Variants in CCDC18 observed in about 807,000 individuals in gnomAD.
The protein encoded by CCDC18 is coiled-coil domain containing 18.
Under a neutral mutation model 196.0 loss-of-function variants are expected in CCDC18, and 157 were observed. The observed-to-expected ratio is 0.80, with a 90% CI of 0.70 to 0.91. CCDC18 has a LOEUF of 0.91. Among genes scored for constraint, CCDC18 ranks in the 40% least tolerant of loss-of-function variants. CCDC18 has a pLI of 0.00. For synonymous variants in CCDC18, 482 were observed against 529.2 expected, an observed-to-expected ratio of 0.91 and a Z score of 1.22; for missense variants, 1,465 against 1,611.6, an observed-to-expected ratio of 0.91 and a Z score of 1.56.
chr1:93,209,030 C>T (rs1012250985), intron 9 of CCDC18, among the ~76,000 whole-genome samples: 2 of 152,096 alleles, frequency 1.3e-5, no homozygotes, highest in South Asian at 2.1e-4. Context: ...GAGATCTTGG[C>T]GCACTGCAAC....
intron 10 of CCDC18, among the ~76,000 whole-genome samples, chr1:93,211,366 A>G (rs1655627639): frequency 6.6e-6 from 1 of 152,112 alleles, no homozygotes; most frequent in South Asian, 2.1e-4. Context: ...GTGATTCCAC[A>G]ACTAAGAATT....
chr1:93,180,343 G>A, upstream of CCDC18: 2 of 1,406,958 alleles, frequency 1.4e-6, no homozygotes, highest in Non-Finnish European at 1.9e-6. Flanking sequence ...GAAATCTGGA[G>A]TCTGAAGAAA....
At chr1:93,248,089 C>T (rs1661740664) in intron 23 of CCDC18, among the ~76,000 whole-genome samples, 1 of 138,964 alleles carries the variant, frequency 7.2e-6, no homozygotes, top group Non-Finnish European at 1.5e-5. Flanking sequence ...GATCTCAGCT[C>T]ACTGCAACCT....
intron 18 of CCDC18, 41 bp downstream of exon 18, chr1:93,232,634 T>C (rs1212837586): frequency 1.5e-5 from 21 of 1,411,340 alleles, no homozygotes; most frequent in Non-Finnish European, 1.9e-5. Context: ...TTGTATGAAA[T>C]AGAAATTTTT....
At chr1:93,215,230 A>G (rs766829521) in intron 12 of CCDC18, among the ~76,000 whole-genome samples, 5 of 152,148 alleles carry the variant, frequency 3.3e-5, no homozygotes, top group Admixed American at 6.5e-5. Flanking sequence ...ATTGCAGCCT[A>G]TTATTTCTTC....
At chr1:93,221,553 T>C in intron 14 of CCDC18, 56 bp from the exon 15 acceptor site, 1 of 1,233,104 alleles carries the variant, frequency 8.1e-7, no homozygotes, top group South Asian at 1.8e-5. Flanking sequence ...ATTTAATATT[T>C]AAAATGTTTC....
Position 93,190,716 on chromosome 1 carries a change from TC to T in CCDC18, c.463-1283del, listed in dbSNP as rs1651608923. 3 of 449,150 alleles carry T rather than the reference TC, an allele frequency of 6.7e-6. No individual in the cohort carries two copies. In the South Asian group the frequency reaches 8.3e-5, roughly 12 times the overall value. The allele number at this position is 449,150 out of a possible 1,614,324, so 27.8% of individuals were successfully genotyped here. ...ACATAAACTCAAGATTTTATTGTCTTCATAATAAAACAAAAGATAACACTTA... is the reference window on the plus strand; with the variant it reads ...ACATAAACTCAAGATTTTATTGTCTTATAATAAAACAAAAGATAACACTTA... On this transcript the variant is annotated intron_variant, in intron 4 of 28. Transcript: ENST00000690025.
chr1:93,261,755 T>G (rs1178579225), intron 26 of CCDC18, among the ~76,000 whole-genome samples: 1 of 151,984 alleles, frequency 6.6e-6, no homozygotes, highest in Non-Finnish European at 1.5e-5. Flanking sequence ...TTGAAGCAAA[T>G]TTTAGACATA....
chr1:93,190,974 G>C, intron 4 of CCDC18: 2 of 993,532 alleles, frequency 2.0e-6, no homozygotes, highest in South Asian at 2.5e-5. Flanking sequence ...GAGAATCCTT[G>C]CCCTTCTTGT....
At chr1:93,265,916 C>A (rs1371565044) in intron 27 of CCDC18, among the ~76,000 whole-genome samples, 2 of 152,126 alleles carry the variant, frequency 1.3e-5, no homozygotes, top group Non-Finnish European at 2.9e-5. Flanking sequence ...ATATCCAGGA[C>A]TTGAACTCAG....
intron 25 of CCDC18, among the ~76,000 whole-genome samples, chr1:93,257,619 T>A (rs1663189446): frequency 6.6e-6 from 1 of 152,156 alleles, no homozygotes; most frequent in African/African-American, 2.4e-5. Context: ...GTTATTCACA[T>A]TTCTGGATGG....
intron 13 of CCDC18, among the ~76,000 whole-genome samples, chr1:93,216,956 A>C: frequency 1.6e-5 from 1 of 61,846 alleles, no homozygotes; most frequent in African/African-American, 2.8e-4. Context: ...TTTTTTTGAG[A>C]CAGAGTCTCA....
chr1:93,256,180 G>A (rs1340830104), intron 24 of CCDC18, among the ~76,000 whole-genome samples, 155 bp from the exon 25 acceptor site: 1 of 151,714 alleles, frequency 6.6e-6, no homozygotes, highest in East Asian at 1.9e-4. Context: ...TTTCACAGTG[G>A]GTGATACTCA....
intron 12 of CCDC18, among the ~76,000 whole-genome samples, chr1:93,215,179 G>A (rs581825): frequency 0.71 from 108,494 of 152,098 alleles, 41,914 homozygotes; most frequent in East Asian, 0.96. Context: ...AGGAAAAACT[G>A]TAGTGGGTAA....
At chr1:93,239,556 G>A (rs1660492285) in intron 20 of CCDC18, 83 bp downstream of exon 20, 10 of 1,467,996 alleles carry the variant, frequency 6.8e-6, no homozygotes, top group Non-Finnish European at 9.2e-6. Flanking sequence ...GAGATGGTGG[G>A]GCTGGAAGGG....
At chr1:93,239,970 C>T in intron 21 of CCDC18, 74 bp downstream of exon 21, 3 of 1,043,156 alleles carry the variant, frequency 2.9e-6, no homozygotes, top group Non-Finnish European at 4.2e-6. Flanking sequence ...TTGTTGCATT[C>T]TAGACGTCTA....
chr1:93,254,220 T>G (rs1662640001), intron 23 of CCDC18, among the ~76,000 whole-genome samples: 1 of 152,204 alleles, frequency 6.6e-6, no homozygotes, highest in Non-Finnish European at 1.5e-5. Flanking sequence ...CATTTTATAG[T>G]GGTGAAGTCT....
chr1:93,189,600 G>T (rs1279511927), intron 4 of CCDC18, among the ~76,000 whole-genome samples: 1 of 152,140 alleles, frequency 6.6e-6, no homozygotes, highest in African/African-American at 2.4e-5. Context: ...AGCGTATGAA[G>T]ATTCCCTTTT....
rs922945710 is a variant in CCDC18, at chr1:93,256,645, C to T, written c.3546+107C>T. ...TTCAAAAATGAACTGTATTGCACAA[C>T]AGTGTGAATGTACTTAATCCCACCG... is the stretch of plus-strand genomic sequence containing the variant. On this transcript the variant is annotated intron_variant, in intron 25 of 28. Coordinates refer to ENST00000690025, the MANE Select transcript of CCDC18 (RefSeq NM_001378204.1). 4 of 879,422 alleles carry T rather than the reference C, an allele frequency of 4.5e-6. No homozygotes were observed. The Admixed American group carries it at 7.2e-5, about 16-fold the overall frequency. The allele number at this position is 879,422 out of a possible 1,614,324, so 54.5% of individuals were successfully genotyped here.
Sources: allele counts gnomAD v4.1 joint callset (sites outside exome capture counted in the v4.1 genomes callset), GRCh38; gene constraint gnomAD v4.1.1; transcripts MANE v1.5; gene names NCBI Gene and HGNC (gene_info 2026-07-23, HGNC 2026-07-21).